The following RECK variants were observed in gnomAD, a reference collection of about 807,000 sequenced individuals.
The protein encoded by RECK is reversion inducing cysteine rich protein with kazal motifs.
RECK carries 69 observed loss-of-function variants against 115.1 expected under a neutral mutation model. The observed-to-expected ratio is 0.60, with a 90% CI of 0.49 to 0.73. The LOEUF (loss-of-function observed/expected upper bound fraction) is 0.73. Among genes scored for constraint, RECK ranks in the 30% least tolerant of loss-of-function variants. The pLI is 0.00. For missense variants in RECK, 1,047 were observed against 1,203.7 expected (o/e 0.87, Z 1.93); for synonymous variants, 414 against 419.7 (o/e 0.99, Z 0.17).
At chr9:36,077,088 C>T (rs1374502899) in intron 6 of RECK, among the ~76,000 whole-genome samples, 1 of 152,058 alleles carries the variant, frequency 6.6e-6, no homozygotes, top group East Asian at 1.9e-4. Flanking sequence ...TATGGTAGAT[C>T]CTCACCTCAG....
chr9:36,052,467 C>A, intron 2 of RECK, 144 bp downstream of exon 2: 1 of 526,690 alleles, frequency 1.9e-6, no homozygotes, highest in Non-Finnish European at 3.4e-6. Context: ...ACCCCTGTCT[C>A]TAAAAAATAA....
At chr9:36,091,058 T>A in intron 9 of RECK, 106 bp from the exon 10 acceptor site, 1 of 950,542 alleles carries the variant, frequency 1.1e-6, no homozygotes, top group Non-Finnish European at 1.5e-6. Context: ...ACTTTTTTTC[T>A]CACATACGTT....
chr9:36,108,282 C>G, intron 14 of RECK, 118 bp downstream of exon 14: 1 of 697,596 alleles, frequency 1.4e-6, no homozygotes, highest in East Asian at 2.8e-5. Context: ...TACTCCAGGG[C>G]AGTATTTTTC....
chr9:36,091,112 A>T (rs1370177115), intron 9 of RECK, 52 bp from the exon 10 acceptor site: 1 of 1,548,670 alleles, frequency 6.5e-7, no homozygotes, highest in Non-Finnish European at 8.9e-7. Flanking sequence ...TGCAAATCAA[A>T]TATTTACTTG....
At chr9:36,065,689 T>G in intron 6 of RECK, 65 bp downstream of exon 6, 1 of 1,231,044 alleles carries the variant, frequency 8.1e-7, no homozygotes, top group Non-Finnish European at 1.1e-6. Flanking sequence ...ACAAAATTAC[T>G]TAAATTTTTA....
Position 36,121,541 on chromosome 9 carries a change from TAAA to T in RECK, c.2550_2552del (p.Lys851del). 8 of 1,612,944 alleles carry T rather than the reference TAAA, an allele frequency of 5.0e-6. No individual in the cohort carries two copies. Among genetic ancestry groups the T allele is most frequent in the Non-Finnish European group, 6.8e-6 (8 of 1,179,452 alleles). ...ATGTTTTCTCTTTCCAGGTAACAAA[TAAA>T]AAGCCAATAACAGTTCTGGAAATAC... On this transcript the variant is annotated inframe_deletion, in exon 20 of 21. Transcript: ENST00000377966.
intron 14 of RECK, 102 bp from the exon 15 acceptor site, chr9:36,109,855 A>T: frequency 1.7e-6 from 2 of 1,174,200 alleles, no homozygotes; most frequent in Non-Finnish European, 2.4e-6. Flanking sequence ...AAAAAAAAAA[A>T]GGAATTTCCA....
intron 6 of RECK, among the ~76,000 whole-genome samples, chr9:36,078,872 ATTTG>A (rs59347076): frequency 0.11 from 16,122 of 151,766 alleles, 1,566 homozygotes; most frequent in African/African-American, 0.25. Flanking sequence ...TTATTTTATT[ATTTG>A]TTTGTTTGTT....
chr9:36,070,624 A>G (rs767802596), intron 6 of RECK, among the ~76,000 whole-genome samples: 1 of 152,196 alleles, frequency 6.6e-6, no homozygotes, highest in African/African-American at 2.4e-5. Context: ...CCAAAAACAG[A>G]TAACTTCCTA....
chr9:36,116,908 C>T lies in RECK; in HGVS notation c.2061-77C>T, dbSNP rs971304570. 1.2e-5 allele frequency: 14 copies of T among 1,160,768 alleles called. No individual in the cohort carries two copies. The East Asian group carries it at 2.8e-4, about 24-fold the overall frequency. The allele number at this position is 1,160,768 out of a possible 1,614,324, so 71.9% of individuals were successfully genotyped here. ...TCTTGCTCTCTCTTCAGCCTCCTAT[C>T]CCTCATCTAGTGCTTTGCTAGCCCC... On this transcript the variant is annotated intron_variant, in intron 16 of 20. Coordinates refer to ENST00000377966, the MANE Select transcript of RECK (RefSeq NM_021111.3).
chr9:36,080,934 T>C (rs1244379599), intron 7 of RECK, among the ~76,000 whole-genome samples: 2 of 152,192 alleles, frequency 1.3e-5, no homozygotes, highest in African/African-American at 2.4e-5. Flanking sequence ...CAGACGTTGA[T>C]TGAGTACTTG....
At chr9:36,056,403 C>G (rs1449186740) in intron 2 of RECK, among the ~76,000 whole-genome samples, 1 of 151,952 alleles carries the variant, frequency 6.6e-6, no homozygotes, top group Non-Finnish European at 1.5e-5. Flanking sequence ...TTTTAAATAT[C>G]TTTTGATCTG....
At chr9:36,109,229 C>T (rs1190087737) in intron 14 of RECK, among the ~76,000 whole-genome samples, 4 of 152,174 alleles carry the variant, frequency 2.6e-5, no homozygotes, top group East Asian at 3.9e-4. Flanking sequence ...GAGCTGAAAC[C>T]GGGACGGGGG....
intron 12 of RECK, among the ~76,000 whole-genome samples, chr9:36,104,314 ATATATATATATATTTTTTTTTTTTTTTT>A (rs1164646893): frequency 0.011 from 657 of 58,840 alleles, 15 homozygotes; most frequent in African/African-American, 0.052. Context: ...ATATATATAT[ATATATATATATATTTTTTTTTTTTTTTT>A]TTTTTTTTTT....
intron 17 of RECK, 36 bp downstream of exon 17, chr9:36,117,213 C>G (rs2274521): frequency 0.18 from 279,076 of 1,512,656 alleles, 29,668 homozygotes; most frequent in African/African-American, 0.45. Context: ...AAGTACACTA[C>G]GGATAAAATT....
chr9:36,098,053 A>G (rs1823422413), intron 10 of RECK, among the ~76,000 whole-genome samples: 1 of 152,142 alleles, frequency 6.6e-6, no homozygotes, highest in East Asian at 1.9e-4. Flanking sequence ...GAGGAGAGAG[A>G]AGAGGGAGGA....
chr9:36,065,752 T>C lies in RECK; in HGVS notation c.405+128T>C, dbSNP rs145851573. ...CTTTTACCTTACAGAAAATTTTGCA[T>C]TGACAAAAATGTCATTTACTGTGTT... On this transcript the variant is annotated intron_variant, in intron 6 of 20. Transcript: ENST00000377966. The C allele has an allele frequency of 4.4e-4, 294 of 668,988 alleles. 1 individual carries two copies. The African/African-American group carries it at 4.9e-3, about 11-fold the overall frequency. 41.4% of individuals were successfully genotyped at this position (668,988 alleles called of 1,614,324 possible). A position where few individuals can be genotyped will look rare whatever the true frequency, so the allele number is the denominator to read the frequency against.
At chr9:36,117,226 T>C in intron 17 of RECK, 49 bp downstream of exon 17, 2 of 1,440,394 alleles carry the variant, frequency 1.4e-6, no homozygotes, top group Non-Finnish European at 1.9e-6. Context: ...ATAAAATTGG[T>C]TTATGATATT....
intron 1 of RECK, among the ~76,000 whole-genome samples, chr9:36,051,685 A>G (rs191441563): frequency 9.9e-5 from 15 of 152,064 alleles, no homozygotes; most frequent in African/African-American, 3.6e-4. Context: ...ATCTGATGCT[A>G]TGTTCTCTTC....
Sources: gnomAD v4.1 joint callset for allele counts (sites outside exome capture counted in the v4.1 genomes callset) on GRCh38, gnomAD v4.1.1 for gene constraint, MANE v1.5 for transcripts, NCBI Gene and HGNC (gene_info 2026-07-23, HGNC 2026-07-21) for gene names.